Variants in STAU2 observed in about 807,000 individuals in gnomAD.
STAU2 encodes the protein staufen double-stranded RNA binding protein 2.
Under a neutral mutation model 65.9 loss-of-function variants are expected in STAU2, and 20 were observed. The observed-to-expected ratio is 0.30, with a 90% CI of 0.21 to 0.44. The LOEUF (loss-of-function observed/expected upper bound fraction) is 0.44, where lower values mean the gene tolerates loss of function less well. STAU2 is among the 20% of genes least tolerant of loss of function. STAU2 has a pLI of 1.00. For missense variants in STAU2, 558 were observed against 683.9 expected (o/e 0.82, Z 2.05); for synonymous variants, 232 against 233.9 (o/e 0.99, Z 0.07).
In STAU2 at chr8:73,483,268, T is replaced by G. The variant is rs571474524; in HGVS notation, c.1531-60566A>C. ...AGCTGTAAAATAAAACCAAAAAGCA[T>G]GTCCACAAGAACTTAAAGAAATCAG... On this transcript the variant is annotated intron_variant, in intron 13 of 14. Transcript: ENST00000524300. Among the ~76,000 whole-genome samples, 166 of 152,212 alleles carry G rather than the reference T, an allele frequency of 1.1e-3. 1 individual carries two copies. The highest frequency in any genetic ancestry group is 4.8e-3 in the South Asian group (23 of 4,824).
chr8:73,443,276 G>A lies in STAU2; in HGVS notation c.1531-20574C>T, dbSNP rs184229228. 4.0e-3 allele frequency among the ~76,000 whole-genome samples: 607 copies of A among 152,316 alleles called. 2 individuals are homozygous for A. The highest frequency in any genetic ancestry group is 0.014 in the African/African-American group (571 of 41,568). ...GAATTAATTTATCAAAAGGCTAGAAGAATTTGCTGGAAGTCGGAGGGAGAA... is the reference window on the plus strand; with the variant it reads ...GAATTAATTTATCAAAAGGCTAGAAAAATTTGCTGGAAGTCGGAGGGAGAA... On this transcript the variant is annotated intron_variant, in intron 13 of 14. Coordinates refer to ENST00000524300, the MANE Select transcript of STAU2 (RefSeq NM_001164380.2).
At chr8:73,525,369 A>C (rs1823296185) in intron 13 of STAU2, among the ~76,000 whole-genome samples, 1 of 152,168 alleles carries the variant, frequency 6.6e-6, no homozygotes, top group Non-Finnish European at 1.5e-5. Context: ...CACCGCAGTT[A>C]TTGTAGACTT....
chr8:73,739,497 G>A (rs948435191), intron 2 of STAU2, among the ~76,000 whole-genome samples: 11 of 152,024 alleles, frequency 7.2e-5, no homozygotes, highest in East Asian at 5.8e-4. Flanking sequence ...GGAAGCAAAC[G>A]TTTTGTAAGT....
At chr8:73,582,732 G>A in intron 12 of STAU2, 38 bp downstream of exon 12, 1 of 1,600,912 alleles carries the variant, frequency 6.2e-7, no homozygotes, top group Non-Finnish European at 8.6e-7. Flanking sequence ...AGCCACTGAT[G>A]AACACCAAGT....
At chr8:73,448,140 C>G (rs976405910) in intron 13 of STAU2, among the ~76,000 whole-genome samples, 14 of 152,200 alleles carry the variant, frequency 9.2e-5, no homozygotes, top group Admixed American at 6.5e-5. Context: ...CTGCCATAAA[C>G]TGATCCTCTC....
At chr8:73,668,153 A>G (rs79784866) in intron 6 of STAU2, among the ~76,000 whole-genome samples, 1 of 152,202 alleles carries the variant, frequency 6.6e-6, no homozygotes, top group African/African-American at 2.4e-5. Context: ...CAAAAAAAAA[A>G]CTTCACCTTC....
rs77821598 is a variant in STAU2 at position 73,742,798 on chromosome 8, G to C, written c.-196-2930C>G. ...TAACTGCAATGTACTGCTGATATAA[G>C]TCGTACTTTAATTATGAATTACATT... On this transcript the variant is annotated intron_variant, in intron 1 of 14. Transcript: ENST00000524300. Among the ~76,000 whole-genome samples the C allele has an allele frequency of 5.5e-4, 84 of 152,110 alleles. 1 individual carries two copies. Among genetic ancestry groups the C allele is most frequent in the African/African-American group, 1.9e-3 (77 of 41,510 alleles).
intron 13 of STAU2, among the ~76,000 whole-genome samples, chr8:73,467,691 A>G (rs1191694735): frequency 6.6e-6 from 1 of 152,202 alleles, no homozygotes; most frequent in Non-Finnish European, 1.5e-5. Flanking sequence ...TGGTAGAGCC[A>G]GACAAGAAGC....
At chr8:73,671,981 C>T (rs541512836) in intron 6 of STAU2, among the ~76,000 whole-genome samples, 1 of 152,002 alleles carries the variant, frequency 6.6e-6, no homozygotes, top group African/African-American at 2.4e-5. Context: ...GACAAGATCA[C>T]ACCACTGTAC....
intron 6 of STAU2, among the ~76,000 whole-genome samples, chr8:73,619,781 CAA>C (rs1210347689): frequency 6.6e-6 from 1 of 151,526 alleles, no homozygotes; most frequent in African/African-American, 2.4e-5. Flanking sequence ...GAAAAAGGGT[CAA>C]AGTTAGAAGA....
rs538133180 is a variant in STAU2 at position 73,527,523 on chromosome 8, T to A, written c.1530+24489A>T. On this transcript the variant is annotated intron_variant, in intron 13 of 14. Coordinates refer to ENST00000524300, the MANE Select transcript of STAU2 (RefSeq NM_001164380.2). ...AAAATAATTTAAATCTACTATGATA[T>A]CAATTTCCCAACACAAACAATTTTG... is the stretch of plus-strand genomic sequence containing the variant. 3 of 454,390 alleles carry A rather than the reference T, an allele frequency of 6.6e-6. No individual in the cohort carries two copies. The Admixed American group carries it at 1.0e-4, about 16-fold the overall frequency. 28.1% of individuals were successfully genotyped at this position (454,390 alleles called of 1,614,324 possible). A position where few individuals can be genotyped will look rare whatever the true frequency, so the allele number is the denominator to read the frequency against.
At chr8:73,624,844 G>A (rs980904053) in intron 6 of STAU2, among the ~76,000 whole-genome samples, 1 of 152,232 alleles carries the variant, frequency 6.6e-6, no homozygotes, top group South Asian at 2.1e-4. Flanking sequence ...TACGCCAAAA[G>A]TCAGGTGCAG....
chr8:73,654,637 C>CAAAAAAAAAAAAAAAAAAAA lies in STAU2; in HGVS notation c.410+18450_410+18469dup, dbSNP rs71269928. On this transcript the variant is annotated intron_variant, in intron 6 of 14. Coordinates refer to ENST00000524300, the MANE Select transcript of STAU2 (RefSeq NM_001164380.2). Reference sequence around the variant, plus strand: ...CCTAGATGACAGAACAAGATTGTCTCAAAAAAAAAAAAAAAAAAAAAAAAG... The same window carrying CAAAAAAAAAAAAAAAAAAAA: ...CCTAGATGACAGAACAAGATTGTCTCAAAAAAAAAAAAAAAAAAAAAAAAAAAAAAAAAAAAAAAAAAAAG... Among the ~76,000 whole-genome samples the CAAAAAAAAAAAAAAAAAAAA allele has an allele frequency of 1.4e-3, 37 of 26,308 alleles. 3 individuals carry two copies. The highest frequency in any genetic ancestry group is 1.9e-3 in the Non-Finnish European group (29 of 15,314). 17.3% of individuals were successfully genotyped at this position (26,308 alleles called of 152,430 possible). A position where few individuals can be genotyped will look rare whatever the true frequency, so the allele number is the denominator to read the frequency against.
chr8:73,591,265 G>C (rs1810754265), intron 11 of STAU2, among the ~76,000 whole-genome samples: 1 of 151,736 alleles, frequency 6.6e-6, no homozygotes, highest in Non-Finnish European at 1.5e-5. Flanking sequence ...GAAACTTAGA[G>C]AAGTAACCTA....
chr8:73,478,484 G>GT (rs11341671), intron 13 of STAU2, among the ~76,000 whole-genome samples: 19 of 150,136 alleles, frequency 1.3e-4, no homozygotes, highest in South Asian at 4.2e-4. Context: ...TCTAAAAATA[G>GT]TTTTTTTTTT....
chr8:73,425,332 C>T (rs535966093), intron 13 of STAU2, among the ~76,000 whole-genome samples: 3 of 152,290 alleles, frequency 2.0e-5, no homozygotes, highest in South Asian at 2.1e-4. Context: ...ACAGGGAGAA[C>T]GCCACGTGAA....
intron 6 of STAU2, among the ~76,000 whole-genome samples, chr8:73,644,219 C>T (rs1196671362): frequency 6.6e-6 from 1 of 152,070 alleles, no homozygotes; most frequent in African/African-American, 2.4e-5. Context: ...AATTTTTAAA[C>T]TGAACGAAAA....
intron 13 of STAU2, among the ~76,000 whole-genome samples, chr8:73,454,051 T>A (rs572021213): frequency 6.7e-6 from 1 of 148,502 alleles, no homozygotes; most frequent in Non-Finnish European, 1.5e-5. Context: ...TCTAAATATA[T>A]TTTTTACAAA....
chr8:73,492,027 A>G (rs1821178363), intron 13 of STAU2, among the ~76,000 whole-genome samples: 1 of 151,770 alleles, frequency 6.6e-6, no homozygotes, highest in Admixed American at 6.6e-5. Flanking sequence ...AAAGAGAGAG[A>G]GTTAATGGAA....
Sources: allele counts gnomAD v4.1 joint callset (sites outside exome capture counted in the v4.1 genomes callset), GRCh38; gene constraint gnomAD v4.1.1; transcripts MANE v1.5; gene names NCBI Gene and HGNC (gene_info 2026-07-23, HGNC 2026-07-21).